LHFPL3: variants seen among roughly 807,000 people sequenced by gnomAD.
The protein encoded by LHFPL3 is LHFPL tetraspan subfamily member 3.
In LHFPL3, 5 loss-of-function variants were observed where a neutral mutation model predicts 19.3. The ratio of observed to expected loss-of-function variants is 0.26; its 90% CI spans 0.14 to 0.54. LHFPL3 has a LOEUF of 0.54. Ranked by LOEUF, LHFPL3 falls within the 20% of genes least tolerant of loss-of-function variation. LHFPL3 has a pLI of 0.94. For synonymous variants in LHFPL3, 133 were observed against 126.2 expected (o/e 1.05, Z -0.36); for missense variants, 249 against 307.4 (o/e 0.81, Z 1.42).
intron 2 of LHFPL3, among the ~76,000 whole-genome samples, chr7:104,751,652 T>G (rs1409543702): frequency 6.6e-6 from 1 of 151,454 alleles, no homozygotes; most frequent in Non-Finnish European, 1.5e-5. Context: ...AATGAGTCTA[T>G]GTCCATGAGC....
At position 104,769,542 on chromosome 7, in the gene LHFPL3, G is replaced by A. The variant is rs369084535; in HGVS notation, c.682+32631G>A. Among the ~76,000 whole-genome samples the A allele has an allele frequency of 2.1e-3, 313 of 152,202 alleles. 7 individuals are homozygous for A. The East Asian group carries it at 0.028, about 14-fold the overall frequency. ...GTTACATAGGTATACACGTGCCATG[G>A]TGGTTTGCTGCACCCATCAACCCGT... On this transcript the variant is annotated intron_variant, in intron 2 of 2. Transcript: ENST00000424859.
At chr7:104,842,794 A>G (rs1791238003) in intron 2 of LHFPL3, among the ~76,000 whole-genome samples, 1 of 152,168 alleles carries the variant, frequency 6.6e-6, no homozygotes, top group Admixed American at 6.5e-5. Flanking sequence ...AAATGTCTCA[A>G]TTTCTGCAAA....
intron 2 of LHFPL3, among the ~76,000 whole-genome samples, chr7:104,767,520 A>G (rs1794475494): frequency 6.6e-6 from 1 of 152,202 alleles, no homozygotes; most frequent in Non-Finnish European, 1.5e-5. Context: ...TCATTCCTCC[A>G]AAATGAAATT....
intron 2 of LHFPL3, among the ~76,000 whole-genome samples, chr7:104,787,420 A>G (rs1397744299): frequency 6.6e-6 from 1 of 152,170 alleles, no homozygotes; most frequent in Non-Finnish European, 1.5e-5. Flanking sequence ...ACAGAAACTT[A>G]TTTCTCACAG....
chr7:104,780,416 C>G (rs1050032138), intron 2 of LHFPL3, among the ~76,000 whole-genome samples: 4 of 152,152 alleles, frequency 2.6e-5, no homozygotes, highest in African/African-American at 9.7e-5. Context: ...CCTGAAGACC[C>G]CACTTCTCTA....
chr7:104,865,599 C>T (rs757122789), intron 2 of LHFPL3, among the ~76,000 whole-genome samples: 3 of 152,260 alleles, frequency 2.0e-5, no homozygotes, highest in South Asian at 2.1e-4. Flanking sequence ...CTACGTCTGA[C>T]TGGTGTACCT....
chr7:104,734,564 C>T (rs948922616), intron 1 of LHFPL3, among the ~76,000 whole-genome samples: 8 of 152,222 alleles, frequency 5.3e-5, no homozygotes, highest in Non-Finnish European at 7.3e-5. Context: ...TGGTTTTCAG[C>T]TCCATCAGGT....
At chr7:104,635,548 GA>G (rs1157631802) in intron 1 of LHFPL3, among the ~76,000 whole-genome samples, 14 of 152,202 alleles carry the variant, frequency 9.2e-5, no homozygotes, top group African/African-American at 3.4e-4. Flanking sequence ...GAGAGAAAAT[GA>G]ACTTTAACCC....
At chr7:104,747,666 C>G (rs1174646961) in intron 2 of LHFPL3, among the ~76,000 whole-genome samples, 1 of 152,202 alleles carries the variant, frequency 6.6e-6, no homozygotes, top group African/African-American at 2.4e-5. Flanking sequence ...ACTCATTTCT[C>G]TTTGGCTGTC....
intron 1 of LHFPL3, among the ~76,000 whole-genome samples, chr7:104,500,213 A>G (rs1002999990): frequency 1.3e-5 from 2 of 152,222 alleles, no homozygotes; most frequent in Non-Finnish European, 1.5e-5. Context: ...CCTCAAAAAC[A>G]GCTGAGGCAG....
chr7:104,669,368 C>T, intron 1 of LHFPL3: 1 of 1,613,306 alleles, frequency 6.2e-7, no homozygotes, highest in Non-Finnish European at 8.5e-7. Flanking sequence ...ACTGGGAACT[C>T]TAGCCGTGGT....
chr7:104,890,684 G>A (rs1417306050), intron 2 of LHFPL3, among the ~76,000 whole-genome samples: 1 of 152,256 alleles, frequency 6.6e-6, no homozygotes, highest in East Asian at 1.9e-4. Flanking sequence ...GGCCATGGGA[G>A]AAATGGCGGG....
At chr7:104,754,111 G>A (rs1359862685) in intron 2 of LHFPL3, among the ~76,000 whole-genome samples, 1 of 152,156 alleles carries the variant, frequency 6.6e-6, no homozygotes, top group African/African-American at 2.4e-5. Context: ...CTATGGAGGG[G>A]TGGATAAAGA....
intron 1 of LHFPL3, among the ~76,000 whole-genome samples, chr7:104,674,220 C>T (rs1792543167): frequency 6.6e-6 from 1 of 151,808 alleles, no homozygotes; most frequent in Non-Finnish European, 1.5e-5. Flanking sequence ...TCACATACCA[C>T]ACAGTCTTAC....
intron 1 of LHFPL3, among the ~76,000 whole-genome samples, chr7:104,572,073 CT>C (rs1369565653): frequency 2.0e-5 from 3 of 152,126 alleles, no homozygotes; most frequent in Non-Finnish European, 4.4e-5. Context: ...CTATTTTGTT[CT>C]TTTCAAAAGA....
At chr7:104,605,648 C>T (rs1360792411) in intron 1 of LHFPL3, among the ~76,000 whole-genome samples, 1 of 152,194 alleles carries the variant, frequency 6.6e-6, no homozygotes, top group Non-Finnish European at 1.5e-5. Context: ...AACTCACAGA[C>T]ATCAGTGAAT....
At chr7:104,523,140 T>C (rs1353204221) in intron 1 of LHFPL3, among the ~76,000 whole-genome samples, 1 of 152,224 alleles carries the variant, frequency 6.6e-6, no homozygotes, top group Non-Finnish European at 1.5e-5. Flanking sequence ...CAAAACTTCA[T>C]ATAAAGTATG....
chr7:104,373,995 G>T (rs1219185480), intron 1 of LHFPL3, among the ~76,000 whole-genome samples: 1 of 152,094 alleles, frequency 6.6e-6, no homozygotes, highest in African/African-American at 2.4e-5. Flanking sequence ...CCAGAGTCAG[G>T]TTGGAAAGTA....
At chr7:104,751,630 C>A (rs1476000153) in intron 2 of LHFPL3, among the ~76,000 whole-genome samples, 13 of 151,060 alleles carry the variant, frequency 8.6e-5, no homozygotes, top group Admixed American at 5.9e-4. Flanking sequence ...CCAGAATCTC[C>A]CAATCATAAG....
Sources: gnomAD v4.1 joint callset for allele counts (sites outside exome capture counted in the v4.1 genomes callset) on GRCh38, gnomAD v4.1.1 for gene constraint, MANE v1.5 for transcripts, NCBI Gene and HGNC (gene_info 2026-07-23, HGNC 2026-07-21) for gene names.